The following TXNDC8 variants were observed in gnomAD, a reference collection of about 807,000 sequenced individuals.
TXNDC8 encodes thioredoxin domain containing 8, also known as thioredoxin domain-containing protein 8.
A neutral mutation model predicts 12.9 loss-of-function variants in TXNDC8; 15 were observed. That is an observed-to-expected ratio of 1.16 (90% CI 0.78 to 1.79). The LOEUF is 1.79. Among genes scored for constraint, TXNDC8 ranks in the 40% most tolerant of loss-of-function variants. The pLI, the probability that TXNDC8 is intolerant of heterozygous loss-of-function variation, is 0.00. For missense variants in TXNDC8, 128 were observed against 113.2 expected (o/e 1.13, Z -0.59); for synonymous variants, 40 against 35.4 (o/e 1.13, Z -0.46).
intron 3 of TXNDC8, chr9:110,323,070 G>T (rs541634536): frequency 1.0e-6 from 1 of 985,392 alleles, no homozygotes; most frequent in Non-Finnish European, 1.2e-6. Flanking sequence ...AGGCAATGGA[G>T]GGGGAGGACA....
At chr9:110,322,713 T>C in intron 3 of TXNDC8, 1 of 985,398 alleles carries the variant, frequency 1.0e-6, no homozygotes. Flanking sequence ...AAAATTATAC[T>C]GAACTGGAGA....
At chr9:110,329,325 T>C in intron 2 of TXNDC8, 34 bp from the exon 3 acceptor site, 1 of 1,535,458 alleles carries the variant, frequency 6.5e-7, no homozygotes, top group Non-Finnish European at 8.9e-7. Flanking sequence ...TCCCATTAGT[T>C]TGGTGTTAAT....
intron 2 of TXNDC8, among the ~76,000 whole-genome samples, chr9:110,326,488 G>A (rs1454760198): frequency 3.3e-5 from 5 of 152,206 alleles, no homozygotes; most frequent in Admixed American, 3.3e-4. Flanking sequence ...ACCAGGAGGT[G>A]GGTAAGAGAT....
intron 3 of TXNDC8, among the ~76,000 whole-genome samples, chr9:110,307,654 C>G (rs1232096089): frequency 6.6e-6 from 1 of 152,170 alleles, no homozygotes; most frequent in African/African-American, 2.4e-5. Flanking sequence ...GCCTCCCATT[C>G]TTTTCAAAGT....
downstream of TXNDC8, chr9:110,303,417 G>T: frequency 7.6e-7 from 1 of 1,311,340 alleles, no homozygotes; most frequent in Non-Finnish European, 1.0e-6. Flanking sequence ...AGCATTAGGA[G>T]AGAGACCAGT....
intron 3 of TXNDC8, among the ~76,000 whole-genome samples, chr9:110,319,810 C>A (rs753723658): frequency 1.8e-4 from 27 of 152,160 alleles, no homozygotes; most frequent in Non-Finnish European, 3.2e-4. Flanking sequence ...TTCTAGCATA[C>A]CACGGTATCA....
intron 3 of TXNDC8, among the ~76,000 whole-genome samples, chr9:110,324,337 CAAATGAGGGAAT>C (rs967016778): frequency 3.9e-5 from 6 of 152,102 alleles, no homozygotes; most frequent in African/African-American, 1.4e-4. Flanking sequence ...AGTAAAAATC[CAAATGAGGGAAT>C]ATGTAGTGTT....
At chr9:110,325,034 C>T (rs117519390) in intron 3 of TXNDC8, among the ~76,000 whole-genome samples, 9,388 of 152,158 alleles carry the variant, frequency 0.062, 620 homozygotes, top group East Asian at 0.35. Flanking sequence ...ATAGCTTGAA[C>T]CCAGGAGGCG....
intron 3 of TXNDC8, among the ~76,000 whole-genome samples, chr9:110,325,583 C>T (rs562658228): frequency 9.8e-4 from 144 of 147,202 alleles, no homozygotes; most frequent in African/African-American, 3.3e-3. Flanking sequence ...TGCAGTGGCG[C>T]GATCTTGGCT....
intron 3 of TXNDC8, among the ~76,000 whole-genome samples, chr9:110,308,677 A>G (rs1429523899): frequency 1.3e-5 from 2 of 152,206 alleles, no homozygotes; most frequent in Admixed American, 1.3e-4. Flanking sequence ...CTTTAAAAAA[A>G]AAAAGGTTCT....
Position 110,311,521 on chromosome 9 carries a change from GTATATATATATATATATA to G in TXNDC8, c.196-7007_196-6990del, listed in dbSNP as rs66474968. Among the ~76,000 whole-genome samples the G allele has an allele frequency of 2.6e-3, 109 of 41,246 alleles. 3 individuals carry two copies. The highest frequency in any genetic ancestry group is 0.011 in the East Asian group (15 of 1,368). 27.1% of individuals were successfully genotyped at this position (41,246 alleles called of 152,430 possible). On this transcript the variant is annotated intron_variant, in intron 3 of 4. Transcript: ENST00000423740. Reference sequence around the variant, plus strand: ...TAAAGAAAGTTACAAAAATAAAGAGGTATATATATATATATATATATATATATATATATATATCTCCAT... The same window carrying G: ...TAAAGAAAGTTACAAAAATAAAGAGGTATATATATATATATATATCTCCAT...
At chr9:110,310,839 G>A (rs890951807) in intron 3 of TXNDC8, among the ~76,000 whole-genome samples, 1 of 152,178 alleles carries the variant, frequency 6.6e-6, no homozygotes, top group Admixed American at 6.5e-5. Flanking sequence ...TGGCATAGGG[G>A]TTACAAAACT....
At chr9:110,332,235 A>C (rs1049314842) in intron 2 of TXNDC8, among the ~76,000 whole-genome samples, 1 of 152,128 alleles carries the variant, frequency 6.6e-6, no homozygotes, top group Non-Finnish European at 1.5e-5. Flanking sequence ...TTTTATTTTT[A>C]AATACAGACA....
At chr9:110,310,452 A>G (rs1163667239) in intron 3 of TXNDC8, among the ~76,000 whole-genome samples, 1 of 152,198 alleles carries the variant, frequency 6.6e-6, no homozygotes, top group African/African-American at 2.4e-5. Context: ...ATTTGAAAGT[A>G]TAAGATAGGA....
intron 1 of TXNDC8, among the ~76,000 whole-genome samples, chr9:110,335,759 T>C (rs919151129): frequency 1.3e-5 from 2 of 152,206 alleles, no homozygotes; most frequent in African/African-American, 2.4e-5. Context: ...CCTAATTGCA[T>C]TGTGTGCTTA....
In TXNDC8 at chr9:110,329,219, T is replaced by A. The variant is rs7041926; in HGVS notation, c.130-2979A>T. On this transcript the variant is annotated intron_variant, in intron 2 of 4. Transcript: ENST00000423740. ...GATTTTGAGTATGTGCACAGAAGAT[T>A]TAAGATTCTTACCGGAGAATTGTTC... 20,251 of 1,610,594 alleles carry A rather than the reference T, an allele frequency of 0.013. 1,902 individuals are homozygous for A. The African/African-American group carries it at 0.22, about 17-fold the overall frequency.
In TXNDC8 at chr9:110,303,586, G is replaced by C; in HGVS notation, c.*96C>G. 6.5e-7 allele frequency: 1 copy of C among 1,548,494 alleles called. No homozygotes were observed. On this transcript the variant is annotated 3_prime_UTR_variant, in exon 5 of 5. Transcript: ENST00000423740. ...TCGGCTCCACAAAACTCAAAAATCTGTTCACAAATGCACAAAGGTGAAACA... is the reference window on the plus strand; with the variant it reads ...TCGGCTCCACAAAACTCAAAAATCTCTTCACAAATGCACAAAGGTGAAACA...
intron 3 of TXNDC8, among the ~76,000 whole-genome samples, chr9:110,305,611 TTTTTCTTCCTTCCTTC>T (rs1564092960): frequency 1.4e-5 from 2 of 141,512 alleles, no homozygotes; most frequent in African/African-American, 5.2e-5. Context: ...TCTTTCTTTC[TTTTTCTTCCTTCCTTC>T]CTTTCTTTTT....
At chr9:110,308,768 C>T (rs560518070) in intron 3 of TXNDC8, among the ~76,000 whole-genome samples, 48 of 152,278 alleles carry the variant, frequency 3.2e-4, no homozygotes, top group African/African-American at 1.0e-3. Flanking sequence ...AGGCTTCTAA[C>T]GATTTGAACC....
Sources: gnomAD v4.1 joint callset for allele counts (sites outside exome capture counted in the v4.1 genomes callset) on GRCh38, gnomAD v4.1.1 for gene constraint, MANE v1.5 for transcripts, NCBI Gene and HGNC (gene_info 2026-07-23, HGNC 2026-07-21) for gene names.